The following ADAMTS3 variants were observed in gnomAD, a reference collection of about 807,000 sequenced individuals.
ADAMTS3 encodes the protein ADAM metallopeptidase with thrombospondin type 1 motif 3.
In ADAMTS3, 73 loss-of-function variants were observed where a neutral mutation model predicts 129.0. The observed-to-expected ratio is 0.57, with a 90% CI of 0.47 to 0.69. ADAMTS3 has a LOEUF of 0.69. ADAMTS3 is among the 30% of genes least tolerant of loss of function. ADAMTS3 has a pLI of 0.00. For missense variants in ADAMTS3, 1,457 were observed against 1,514.5 expected (o/e 0.96, Z 0.63); for synonymous variants, 477 against 510.8 (o/e 0.93, Z 0.89).
chr4:72,498,751 T>C (rs1042029784), intron 3 of ADAMTS3, among the ~76,000 whole-genome samples: 4 of 151,994 alleles, frequency 2.6e-5, no homozygotes, highest in African/African-American at 9.7e-5. Flanking sequence ...CCAAAGTTTC[T>C]TTTCTCTTTA....
intron 3 of ADAMTS3, among the ~76,000 whole-genome samples, chr4:72,543,286 C>T (rs940045310): frequency 6.6e-6 from 1 of 151,942 alleles, no homozygotes; most frequent in Non-Finnish European, 1.5e-5. Context: ...ATACAGCTAC[C>T]ATGGGGAACA....
intron 3 of ADAMTS3, among the ~76,000 whole-genome samples, chr4:72,480,501 C>T (rs1719402022): frequency 6.6e-6 from 1 of 151,322 alleles, no homozygotes; most frequent in Admixed American, 6.6e-5. Context: ...ACAATGAGAA[C>T]ACATGGACAC....
chr4:72,415,018 A>G (rs1722270244), intron 3 of ADAMTS3, 47 bp from the exon 4 acceptor site: 6 of 1,284,494 alleles, frequency 4.7e-6, no homozygotes, highest in Admixed American at 2.9e-5. Context: ...AATATCTATC[A>G]TCTTCAGCTC....
intron 4 of ADAMTS3, among the ~76,000 whole-genome samples, chr4:72,411,061 C>A (rs1056568000): frequency 4.6e-5 from 7 of 152,022 alleles, no homozygotes; most frequent in African/African-American, 1.7e-4. Flanking sequence ...AAGAGTAATT[C>A]TAAAGCAGAG....
At chr4:72,421,277 C>G (rs1560509561) in intron 3 of ADAMTS3, among the ~76,000 whole-genome samples, 2 of 152,218 alleles carry the variant, frequency 1.3e-5, no homozygotes, top group African/African-American at 4.8e-5. Flanking sequence ...CACTCTCTAT[C>G]CTAACTTTTT....
At chr4:72,526,076 C>A (rs1720798979) in intron 3 of ADAMTS3, among the ~76,000 whole-genome samples, 1 of 152,174 alleles carries the variant, frequency 6.6e-6, no homozygotes, top group Admixed American at 6.5e-5. Context: ...TGTGCTGCTC[C>A]ATGGCTTCCC....
At chr4:72,370,677 G>A (rs1160241372) in intron 4 of ADAMTS3, among the ~76,000 whole-genome samples, 2 of 152,098 alleles carry the variant, frequency 1.3e-5, no homozygotes, top group African/African-American at 4.8e-5. Context: ...TTGAACCCAG[G>A]AGGCAGAGGT....
intron 4 of ADAMTS3, among the ~76,000 whole-genome samples, chr4:72,398,569 C>A (rs1047727831): frequency 6.6e-6 from 1 of 151,832 alleles, no homozygotes; most frequent in African/African-American, 2.4e-5. Flanking sequence ...AGTGAGACTC[C>A]ATCTAAAATA....
intron 4 of ADAMTS3, among the ~76,000 whole-genome samples, chr4:72,373,122 GA>G (rs1721052021): frequency 6.6e-6 from 1 of 152,132 alleles, no homozygotes; most frequent in South Asian, 2.1e-4. Flanking sequence ...CATGGAAACG[GA>G]AAGGTCAAAA....
chr4:72,292,281 G>A (rs1317938514), intron 19 of ADAMTS3, among the ~76,000 whole-genome samples: 1 of 152,128 alleles, frequency 6.6e-6, no homozygotes, highest in African/African-American at 2.4e-5. Flanking sequence ...GGTTGGACGA[G>A]GGCACATTTT....
intron 2 of ADAMTS3, among the ~76,000 whole-genome samples, chr4:72,550,339 A>T (rs1230031891): frequency 6.6e-6 from 1 of 152,036 alleles, no homozygotes; most frequent in Non-Finnish European, 1.5e-5. Flanking sequence ...ATCCTTGTAG[A>T]ATCACTATTT....
rs1201437287 is a variant in ADAMTS3 at position 72,503,329 on chromosome 4, A to T, written c.504+45149T>A. 2.0e-5 allele frequency among the ~76,000 whole-genome samples: 3 copies of T among 152,032 alleles called. No individual in the cohort carries two copies. The East Asian group carries it at 5.8e-4, about 29-fold the overall frequency. On this transcript the variant is annotated intron_variant, in intron 3 of 21. Transcript: ENST00000286657. ...AGACACCACTCCCAGCCTTGACAGT[A>T]TTTGTTTATTTCTGCCTTAATTTTA...
Position 72,548,586 on chromosome 4 carries a change from A to C in ADAMTS3, c.396T>G (p.Ala132=). ...DPINNHQPGS[A]TYRIRRTEPL... ...GCTCTGTTCTCCGGATTCTATACGT[A>C]GCACTTCCTGGTTGATGGTTGTTAA... The change falls in exon 3 of 22, where the codon GCT becomes GCG. Residue 132 remains alanine, a synonymous_variant. Transcript: ENST00000286657. 4 of 1,614,014 alleles carry C rather than the reference A, an allele frequency of 2.5e-6. No homozygotes were observed. The highest frequency in any genetic ancestry group is 3.4e-6 in the Non-Finnish European group (4 of 1,179,912).
intron 1 of ADAMTS3, among the ~76,000 whole-genome samples, chr4:72,568,433 G>T (rs1453725375): frequency 1.3e-5 from 2 of 152,150 alleles, no homozygotes; most frequent in Non-Finnish European, 2.9e-5. Flanking sequence ...GAATTGTTAC[G>T]AATGTCGCAG....
At chr4:72,401,580 AAAAAAAAAGAAAAG>A (rs1721921394) in intron 4 of ADAMTS3, among the ~76,000 whole-genome samples, 1 of 142,596 alleles carries the variant, frequency 7.0e-6, no homozygotes, top group South Asian at 2.5e-4. Context: ...AAAAAAAAAA[AAAAAAAAAGAAAAG>A]AAAAAAAAAG....
chr4:72,546,239 C>T (rs1229436006), intron 3 of ADAMTS3, among the ~76,000 whole-genome samples: 1 of 152,036 alleles, frequency 6.6e-6, no homozygotes, highest in Admixed American at 6.6e-5. Context: ...CTTTATGGTT[C>T]CCAAATTGTT....
In ADAMTS3 at chr4:72,555,349, C is replaced by T. The variant is rs183887859; in HGVS notation, c.98-6465G>A. 3.7e-4 allele frequency among the ~76,000 whole-genome samples: 56 copies of T among 151,832 alleles called. No homozygotes were observed. The Middle Eastern group carries it at 0.01, about 28-fold the overall frequency. On this transcript the variant is annotated intron_variant, in intron 2 of 21. Coordinates refer to ENST00000286657, the MANE Select transcript of ADAMTS3 (RefSeq NM_014243.3). The stretch of plus-strand genomic sequence containing the variant: ...CTCACAAGACCTGGCTTAAGCATGC[C>T]TACATTCACAGCCCTACACTGCAGC...
chr4:72,375,745 G>A (rs1721119029), intron 4 of ADAMTS3, among the ~76,000 whole-genome samples: 1 of 152,146 alleles, frequency 6.6e-6, no homozygotes, highest in East Asian at 1.9e-4. Flanking sequence ...GGAGAACTCT[G>A]AAATGTACAC....
chr4:72,561,636 A>G (rs900823119), intron 2 of ADAMTS3, among the ~76,000 whole-genome samples: 1 of 152,260 alleles, frequency 6.6e-6, no homozygotes, highest in African/African-American at 2.4e-5. Flanking sequence ...AAATAAAAAT[A>G]TACTTACTAA....
Sources: allele counts gnomAD v4.1 joint callset (sites outside exome capture counted in the v4.1 genomes callset), GRCh38; gene constraint gnomAD v4.1.1; transcripts MANE v1.5; gene names NCBI Gene and HGNC (gene_info 2026-07-23, HGNC 2026-07-21).